The following ITGA9 variants were observed in gnomAD, a reference collection of about 807,000 sequenced individuals.
The protein encoded by ITGA9 is integrin alpha-9.
A neutral mutation model predicts 127.8 loss-of-function variants in ITGA9; 56 were observed. The observed-to-expected ratio is 0.44, with a 90% CI of 0.35 to 0.55. ITGA9 has a LOEUF of 0.55. Among genes scored for constraint, ITGA9 ranks in the 20% least tolerant of loss-of-function variants. The pLI is 0.00. For synonymous variants in ITGA9, 508 were observed against 514.5 expected (o/e 0.99, Z 0.17); for missense variants, 1,196 against 1,347.1 (o/e 0.89, Z 1.76).
intron 18 of ITGA9, among the ~76,000 whole-genome samples, chr3:37,706,217 C>T (rs958251206): frequency 6.6e-6 from 1 of 152,220 alleles, no homozygotes; most frequent in African/African-American, 2.4e-5. Flanking sequence ...TTGACTCTTC[C>T]TTGCTGTCTC....
Position 37,501,178 on chromosome 3 carries a change from C to T in ITGA9, c.613-2000C>T, listed in dbSNP as rs558289164. On this transcript the variant is annotated intron_variant, in intron 5 of 27. Coordinates refer to ENST00000264741, the MANE Select transcript of ITGA9 (RefSeq NM_002207.3). ...TTCTGATTATTTCTTATTGCAGTGT[C>T]GAAACTTTAGAAAATAAAGGTAATC... 2.7e-3 allele frequency among the ~76,000 whole-genome samples: 411 copies of T among 152,032 alleles called. 1 individual carries two copies. The highest frequency in any genetic ancestry group is 9.1e-3 in the African/African-American group (376 of 41,450).
intron 26 of ITGA9, among the ~76,000 whole-genome samples, chr3:37,789,001 C>T (rs903749246): frequency 6.6e-6 from 1 of 152,048 alleles, no homozygotes; most frequent in Non-Finnish European, 1.5e-5. Context: ...ATACTTAAAA[C>T]CAATTCAAAA....
intron 11 of ITGA9, among the ~76,000 whole-genome samples, chr3:37,520,808 G>A (rs1699036790): frequency 6.6e-6 from 1 of 152,184 alleles, no homozygotes; most frequent in Non-Finnish European, 1.5e-5. Context: ...AGTCACCCAA[G>A]GAGCCCCGTG....
At chr3:37,492,121 A>G (rs1698679722) in intron 4 of ITGA9, among the ~76,000 whole-genome samples, 1 of 152,012 alleles carries the variant, frequency 6.6e-6, no homozygotes, top group African/African-American at 2.4e-5. Context: ...ATTCTACTCT[A>G]CCTTGAAGGG....
intron 18 of ITGA9, among the ~76,000 whole-genome samples, chr3:37,729,667 A>G (rs2125527041): frequency 6.6e-6 from 1 of 151,524 alleles, no homozygotes; most frequent in East Asian, 1.9e-4. Flanking sequence ...CAAAAACTGA[A>G]GAAGTCTTTG....
At chr3:37,692,390 T>A (rs1411710848) in intron 18 of ITGA9, among the ~76,000 whole-genome samples, 3 of 149,202 alleles carry the variant, frequency 2.0e-5, no homozygotes, top group Non-Finnish European at 2.9e-5. Flanking sequence ...ATTGTCTTAA[T>A]GAAGGATTGA....
At chr3:37,592,618 T>C (rs987675332) in intron 15 of ITGA9, among the ~76,000 whole-genome samples, 5 of 151,780 alleles carry the variant, frequency 3.3e-5, no homozygotes, top group Admixed American at 2.0e-4. Context: ...TGGTAGGAGA[T>C]GGAGAGGAGG....
chr3:37,681,604 T>G (rs9311163), intron 17 of ITGA9, among the ~76,000 whole-genome samples: 1 of 152,012 alleles, frequency 6.6e-6, no homozygotes, highest in Non-Finnish European at 1.5e-5. Flanking sequence ...AAATAACAAC[T>G]GTTCATTATA....
intron 14 of ITGA9, among the ~76,000 whole-genome samples, chr3:37,535,536 G>A (rs13325058): frequency 0.13 from 19,466 of 152,198 alleles, 2,548 homozygotes; most frequent in African/African-American, 0.34. Context: ...CCCCAGAAGT[G>A]TTGGGGTAAA....
At chr3:37,548,014 T>C (rs1699344444) in intron 15 of ITGA9, among the ~76,000 whole-genome samples, 3 of 152,224 alleles carry the variant, frequency 2.0e-5, no homozygotes, top group Admixed American at 6.5e-5. Flanking sequence ...GTGCACACTG[T>C]AGTAAACTTA....
chr3:37,541,629 G>T (rs1027475272), intron 14 of ITGA9, among the ~76,000 whole-genome samples: 7 of 152,130 alleles, frequency 4.6e-5, no homozygotes, highest in African/African-American at 1.7e-4. Context: ...TTCAGGTATG[G>T]GGGTGAGTTA....
At chr3:37,534,116 C>A (rs977271700) in intron 14 of ITGA9, among the ~76,000 whole-genome samples, 1 of 152,174 alleles carries the variant, frequency 6.6e-6, no homozygotes, top group African/African-American at 2.4e-5. Flanking sequence ...AAGATAGAAC[C>A]AGTGTTGATT....
At chr3:37,766,717 G>T (rs1028328405) in intron 23 of ITGA9, among the ~76,000 whole-genome samples, 1 of 152,092 alleles carries the variant, frequency 6.6e-6, no homozygotes, top group African/African-American at 2.4e-5. Context: ...TCATATGGGG[G>T]CTATTCACTC....
At chr3:37,519,400 A>G in intron 11 of ITGA9, 46 bp downstream of exon 11, 1 of 1,449,678 alleles carries the variant, frequency 6.9e-7, no homozygotes, top group South Asian at 1.2e-5. Flanking sequence ...ACATTCATTC[A>G]GCAAACATGT....
At chr3:37,477,424 C>T (rs1698505064) in intron 3 of ITGA9, among the ~76,000 whole-genome samples, 1 of 152,178 alleles carries the variant, frequency 6.6e-6, no homozygotes, top group South Asian at 2.1e-4. Flanking sequence ...GGACCATGGA[C>T]CCAGCAACCA....
At chr3:37,779,454 CAT>C (rs1307194345) in intron 24 of ITGA9, among the ~76,000 whole-genome samples, 1 of 152,158 alleles carries the variant, frequency 6.6e-6, no homozygotes, top group Non-Finnish European at 1.5e-5. Flanking sequence ...GGAAGTGTCA[CAT>C]GACTTCTTAG....
At chr3:37,574,497 G>T (rs990011768) in intron 15 of ITGA9, among the ~76,000 whole-genome samples, 15 of 152,136 alleles carry the variant, frequency 9.9e-5, no homozygotes, top group African/African-American at 1.7e-4. Flanking sequence ...AGGTCTTGCA[G>T]CCAAGGATTG....
At chr3:37,669,830 A>G (rs1169214360) in intron 17 of ITGA9, among the ~76,000 whole-genome samples, 2 of 152,200 alleles carry the variant, frequency 1.3e-5, no homozygotes, top group Non-Finnish European at 2.9e-5. Flanking sequence ...GTTTTTAAAG[A>G]GGACTTTCCA....
chr3:37,591,379 A>G (rs1012410480), intron 15 of ITGA9, among the ~76,000 whole-genome samples: 2 of 152,210 alleles, frequency 1.3e-5, no homozygotes, highest in Non-Finnish European at 2.9e-5. Flanking sequence ...TCCCATTGGC[A>G]TCTGGGGACC....
Sources: gnomAD v4.1 joint callset for allele counts (sites outside exome capture counted in the v4.1 genomes callset) on GRCh38, gnomAD v4.1.1 for gene constraint, MANE v1.5 for transcripts, NCBI Gene and HGNC (gene_info 2026-07-23, HGNC 2026-07-21) for gene names.